Variants in NCKAP5 observed in about 807,000 individuals in gnomAD.
NCKAP5 encodes NCK associated protein 5.
NCKAP5 carries 92 observed loss-of-function variants against 167.0 expected under a neutral mutation model. That is an observed-to-expected ratio of 0.55 (90% confidence interval 0.47 to 0.66). The LOEUF is 0.66. Ranked by LOEUF, NCKAP5 falls within the 30% of genes least tolerant of loss-of-function variation. NCKAP5 has a pLI of 0.00. For synonymous variants in NCKAP5, 891 were observed against 877.4 expected, an observed-to-expected ratio of 1.02 and a Z score of -0.27; for missense variants, 2,378 against 2,315.0, an observed-to-expected ratio of 1.03 and a Z score of -0.56.
At chr2:133,052,820 C>A (rs2149489749) in intron 6 of NCKAP5, among the ~76,000 whole-genome samples, 1 of 151,300 alleles carries the variant, frequency 6.6e-6, no homozygotes, top group Middle Eastern at 3.5e-3. Context: ...AATTGTTTAT[C>A]AACAATAGAA....
At position 132,785,439 on chromosome 2, in the gene NCKAP5, C is replaced by A. The variant is rs1212077695; in HGVS notation, c.1372G>T (p.Gly458Trp). The change falls in exon 14 of 20, where the codon GGG (glycine) becomes TGG (tryptophan). Residue 458 changes from glycine to tryptophan, a missense_variant. This residue lies in a region of NCKAP5 where 1,049 missense variants were observed against 1,023.4 expected (regional missense o/e 1.02). Coordinates refer to ENST00000409261, the MANE Select transcript of NCKAP5 (RefSeq NM_207363.3). ...EYPPCKTADL[G>W]SPCKEPHKTF... ...TTGTGGGGTTCCTTGCAGGGGCTCC[C>A]CAGGTCAGCTGTTTTGCAGGGGGGA... 6.2e-7 allele frequency: 1 copy of A among 1,613,786 alleles called. No individual in the cohort carries two copies.
At chr2:133,647,709 A>AGGAAGGAAGGAAGGAAGGAAGG in the NCKAP5 span, among the ~76,000 whole-genome samples, 1 of 24,850 alleles carries the variant, frequency 4.0e-5, no homozygotes, top group African/African-American at 1.2e-4. Flanking sequence ...AAGGAAAGAA[A>AGGAAGGAAGGAAGGAAGGAAGG]AAGAAAGGAA....
intron 8 of NCKAP5, among the ~76,000 whole-genome samples, chr2:132,943,190 C>A (rs555153544): frequency 2.0e-5 from 3 of 152,192 alleles, no homozygotes; most frequent in Admixed American, 2.0e-4. Flanking sequence ...TGTTGGTAAA[C>A]AATGACATTT....
At chr2:133,529,455 A>G (rs879696153) in intron 2 of NCKAP5, among the ~76,000 whole-genome samples, 25 of 152,154 alleles carry the variant, frequency 1.6e-4, no homozygotes, top group Non-Finnish European at 1.9e-4. Flanking sequence ...CAGATTATCA[A>G]TAAATTGCTT....
rs983991506 is a variant in NCKAP5 at position 132,967,621 on chromosome 2, A to G, written c.430-3752T>C. On this transcript the variant is annotated intron_variant, in intron 7 of 19. Transcript: ENST00000409261. The stretch of plus-strand genomic sequence containing the variant: ...GGGAGAGGATGCTTGGAAATGAGAC[A>G]AAAATTCAGATACAATTCACTCATT... Among the ~76,000 whole-genome samples the G allele has an allele frequency of 3.9e-5, 6 of 152,200 alleles. No homozygotes were observed. The South Asian group carries it at 1.2e-3, about 31-fold the overall frequency.
chr2:132,906,922 T>C (rs1263981414), intron 8 of NCKAP5, among the ~76,000 whole-genome samples: 6 of 152,196 alleles, frequency 3.9e-5, no homozygotes, highest in African/African-American at 9.6e-5. Flanking sequence ...CAGGCTACAA[T>C]AGAATTTTCT....
the NCKAP5 span, among the ~76,000 whole-genome samples, chr2:133,670,780 C>T: frequency 6.6e-6 from 1 of 152,156 alleles, no homozygotes; most frequent in Admixed American, 6.5e-5. Context: ...CCAGGAGGCC[C>T]CCTATAGTGG....
At chr2:133,031,210 A>T (rs904558428) in intron 6 of NCKAP5, among the ~76,000 whole-genome samples, 2 of 152,070 alleles carry the variant, frequency 1.3e-5, no homozygotes, top group African/African-American at 2.4e-5. Context: ...AGATTTTTTT[A>T]AAAATCCTGA....
upstream of NCKAP5, among the ~76,000 whole-genome samples, chr2:133,570,473 G>A (rs1688823793): frequency 6.6e-6 from 1 of 152,152 alleles, no homozygotes; most frequent in Non-Finnish European, 1.5e-5. Flanking sequence ...AATGGTATGT[G>A]GGAGTGGAAT....
At chr2:133,568,748 G>C (rs1310739257), upstream of NCKAP5, among the ~76,000 whole-genome samples, 3 of 152,182 alleles carry the variant, frequency 2.0e-5, no homozygotes, top group Non-Finnish European at 4.4e-5. Context: ...TGGAGGAAAA[G>C]TTTGAAGTGC....
At chr2:133,563,413 A>G (rs935251865) in intron 1 of NCKAP5, among the ~76,000 whole-genome samples, 2 of 152,064 alleles carry the variant, frequency 1.3e-5, no homozygotes, top group Admixed American at 6.6e-5. Flanking sequence ...TACTAAAAAT[A>G]CAAAAATTAG....
At chr2:132,943,728 C>T (rs1697471691) in intron 8 of NCKAP5, among the ~76,000 whole-genome samples, 1 of 152,164 alleles carries the variant, frequency 6.6e-6, no homozygotes, top group Non-Finnish European at 1.5e-5. Flanking sequence ...CAGAAAGGCC[C>T]TGAGAGCCAG....
chr2:132,957,513 C>T (rs2076379466), intron 8 of NCKAP5, among the ~76,000 whole-genome samples: 1 of 152,094 alleles, frequency 6.6e-6, no homozygotes, highest in African/African-American at 2.4e-5. Context: ...ATAGTGCTAA[C>T]TACTGTTGGG....
At chr2:132,751,274 C>G (rs552295147) in intron 16 of NCKAP5, among the ~76,000 whole-genome samples, 1 of 152,196 alleles carries the variant, frequency 6.6e-6, no homozygotes, top group Admixed American at 6.5e-5. Flanking sequence ...ACCTCTTCCT[C>G]TCTTCTTTCT....
At chr2:133,057,554 C>T (rs2079847625) in intron 6 of NCKAP5, among the ~76,000 whole-genome samples, 2 of 152,166 alleles carry the variant, frequency 1.3e-5, no homozygotes, top group African/African-American at 4.8e-5. Flanking sequence ...TACAATATCC[C>T]CTTAAGCCAA....
At chr2:132,694,784 TTATA>T (rs778437656) in intron 19 of NCKAP5, among the ~76,000 whole-genome samples, 1 of 152,214 alleles carries the variant, frequency 6.6e-6, no homozygotes, top group Non-Finnish European at 1.5e-5. Context: ...CATAGGCTCT[TTATA>T]GAGTCTCTGT....
At chr2:132,776,063 G>C (rs1193876235) in intron 15 of NCKAP5, among the ~76,000 whole-genome samples, 2 of 152,122 alleles carry the variant, frequency 1.3e-5, no homozygotes, top group Non-Finnish European at 2.9e-5. Context: ...TTTATTCAAA[G>C]TCATACAGAA....
At chr2:133,488,485 C>T (rs1314552772) in intron 3 of NCKAP5, among the ~76,000 whole-genome samples, 1 of 152,120 alleles carries the variant, frequency 6.6e-6, no homozygotes, top group Admixed American at 6.5e-5. Context: ...ATAGTTAGAG[C>T]TCCCTAGGGC....
chr2:133,480,582 C>T (rs1680335685), intron 3 of NCKAP5, among the ~76,000 whole-genome samples: 1 of 152,174 alleles, frequency 6.6e-6, no homozygotes, highest in East Asian at 1.9e-4. Flanking sequence ...ACAGAAGCAA[C>T]ACAGGCCTAA....
Sources: allele counts gnomAD v4.1 joint callset (sites outside exome capture counted in the v4.1 genomes callset), GRCh38; gene constraint gnomAD v4.1.1; regional missense constraint gnomAD v4.1.1; transcripts MANE v1.5; gene names NCBI Gene and HGNC (gene_info 2026-07-23, HGNC 2026-07-21).